The following SCUBE2 variants were observed in gnomAD, a reference collection of about 807,000 sequenced individuals.
SCUBE2 encodes signal peptide, CUB and EGF-like domain-containing protein 2.
Under a neutral mutation model 125.9 loss-of-function variants are expected in SCUBE2, and 114 were observed. The observed-to-expected ratio is 0.91, with a 90% confidence interval of 0.78 to 1.06. The LOEUF (loss-of-function observed/expected upper bound fraction) is 1.06. Among genes scored for constraint, SCUBE2 ranks in the 50% least tolerant of loss-of-function variants. SCUBE2 has a pLI of 0.00. For missense variants in SCUBE2, 1,255 were observed against 1,301.8 expected (o/e 0.96, Z 0.55); for synonymous variants, 459 against 492.9 (o/e 0.93, Z 0.91).
intron 16 of SCUBE2, among the ~76,000 whole-genome samples, chr11:9,044,035 AG>A (rs1431406019): frequency 6.6e-6 from 1 of 152,236 alleles, no homozygotes; most frequent in Non-Finnish European, 1.5e-5. Flanking sequence ...ATGTGTACAA[AG>A]AATGATATTC....
intron 10 of SCUBE2, among the ~76,000 whole-genome samples, chr11:9,055,583 A>G (rs1858998576): frequency 1.3e-5 from 2 of 152,196 alleles, no homozygotes; most frequent in Admixed American, 1.3e-4. Context: ...TCTCTGCTCC[A>G]TTTCACACTC....
chr11:9,081,529 T>A (rs967892361), intron 2 of SCUBE2, among the ~76,000 whole-genome samples: 2 of 152,144 alleles, frequency 1.3e-5, no homozygotes, highest in African/African-American at 4.8e-5. Flanking sequence ...AGGATTTCCT[T>A]TTTTAAGGCT....
intron 5 of SCUBE2, 30 bp from the exon 6 acceptor site, chr11:9,066,843 C>A: frequency 6.5e-7 from 1 of 1,546,822 alleles, no homozygotes; most frequent in Non-Finnish European, 8.9e-7. Context: ...ATACATAAAG[C>A]ACTGAGATTT....
At chr11:9,059,687 G>C (rs907261580) in intron 8 of SCUBE2, 4 of 457,550 alleles carry the variant, frequency 8.7e-6, no homozygotes. Context: ...ACAAACTCTG[G>C]GAAAGAATGA....
At chr11:9,042,905 A>G (rs962579802) in intron 16 of SCUBE2, among the ~76,000 whole-genome samples, 14 of 152,160 alleles carry the variant, frequency 9.2e-5, no homozygotes, top group Admixed American at 7.9e-4. Context: ...TGTTCTCAGT[A>G]TCTCATAGGC....
chr11:9,046,299 T>G (rs952905618), intron 16 of SCUBE2, among the ~76,000 whole-genome samples: 1 of 152,114 alleles, frequency 6.6e-6, no homozygotes, highest in African/African-American at 2.4e-5. Flanking sequence ...TGAGCCATCA[T>G]GCCTGGCCCC....
At chr11:9,023,757 C>T (rs1855499878) in intron 21 of SCUBE2, among the ~76,000 whole-genome samples, 1 of 152,118 alleles carries the variant, frequency 6.6e-6, no homozygotes, top group Non-Finnish European at 1.5e-5. Context: ...ATGGCCTCAT[C>T]TATAAAATCA....
rs1333311901 is a variant in SCUBE2, at chr11:9,021,179, C to G, written c.2953G>C (p.Ala985Pro). The G allele has an allele frequency of 6.3e-7, 1 of 1,577,286 alleles. No homozygotes were observed. Among genetic ancestry groups the G allele is most frequent in the Non-Finnish European group, 8.6e-7 (1 of 1,164,334 alleles). ...EILKDKKLIK[A>P]LFDVLAHPQN... ...GGATGGGCCAGGACATCAAACAGAG[C>G]CTTGATAAGTTTCTTATCCTAAAAA... is the stretch of plus-strand genomic sequence containing the variant. Residue 985 changes from alanine to proline, a missense_variant, in exon 23 of 23, where the codon GCT (alanine) becomes CCT (proline). This residue lies in a region of SCUBE2 where 515 missense variants were observed against 515.7 expected (regional missense o/e 1.00). Transcript: ENST00000649792.
intron 9 of SCUBE2, among the ~76,000 whole-genome samples, chr11:9,056,230 C>T (rs999784277): frequency 1.3e-5 from 2 of 152,176 alleles, no homozygotes; most frequent in Admixed American, 6.5e-5. Flanking sequence ...AGATAACATA[C>T]CTAAAAAGGG....
At chr11:9,071,638 G>A (rs1860809548) in intron 4 of SCUBE2, among the ~76,000 whole-genome samples, 1 of 152,172 alleles carries the variant, frequency 6.6e-6, no homozygotes, top group Admixed American at 6.5e-5. Context: ...AAACAGCTCA[G>A]AAACATTGGA....
At chr11:9,060,269 C>G (rs2135584000) in intron 8 of SCUBE2, 139 bp downstream of exon 8, 2 of 643,270 alleles carry the variant, frequency 3.1e-6, no homozygotes, top group East Asian at 5.2e-5. Flanking sequence ...GGGGAAAAAG[C>G]TCCCATTGAT....
rs892788065 is a variant in SCUBE2 at position 9,066,636 on chromosome 11, G to A, written c.760+61C>T. ...CATCTGTGCTAAACACCATTAAGGGGTAGGGGTAGGGACAGGCAGGCTGGT... is the reference window on the plus strand; with the variant it reads ...CATCTGTGCTAAACACCATTAAGGGATAGGGGTAGGGACAGGCAGGCTGGT... On this transcript the variant is annotated intron_variant, in intron 6 of 22. Transcript: ENST00000649792. The A allele has an allele frequency of 1.6e-5, 21 of 1,322,752 alleles. No individual in the cohort carries two copies. The South Asian group carries it at 2.1e-4, about 13-fold the overall frequency. The allele number at this position is 1,322,752 out of a possible 1,614,324, so 81.9% of individuals were successfully genotyped here. A position where few individuals can be genotyped will look rare whatever the true frequency, so the allele number is the denominator to read the frequency against.
chr11:9,072,599 A>T (rs990265993), intron 4 of SCUBE2, among the ~76,000 whole-genome samples: 2 of 152,186 alleles, frequency 1.3e-5, no homozygotes, highest in Admixed American at 6.5e-5. Context: ...AGGCTGTTCT[A>T]TTTGAAGAAT....
At chr11:9,050,447 T>C in intron 14 of SCUBE2, 159 bp downstream of exon 14, 5 of 631,196 alleles carry the variant, frequency 7.9e-6, no homozygotes, top group Non-Finnish European at 1.1e-5. Context: ...TTCTTCCTCT[T>C]GGGATGAGTC....
chr11:9,029,075 C>G (rs1465684178), intron 19 of SCUBE2, among the ~76,000 whole-genome samples: 1 of 152,180 alleles, frequency 6.6e-6, no homozygotes, highest in Non-Finnish European at 1.5e-5. Flanking sequence ...GGCCTCCTTG[C>G]TCCTCTGACT....
chr11:9,090,081 A>T (rs906605934), intron 1 of SCUBE2, among the ~76,000 whole-genome samples: 7 of 152,232 alleles, frequency 4.6e-5, no homozygotes, highest in African/African-American at 1.4e-4. Flanking sequence ...CACCTCCTCC[A>T]GGAAGCCTGC....
intron 13 of SCUBE2, 67 bp from the exon 14 acceptor site, chr11:9,050,777 G>T: frequency 1.6e-6 from 2 of 1,240,148 alleles, no homozygotes; most frequent in Non-Finnish European, 2.4e-6. Context: ...CAGATGGGAA[G>T]CAGCAAGCTG....
At chr11:9,087,850 AG>A (rs1189426284) in intron 2 of SCUBE2, among the ~76,000 whole-genome samples, 1 of 152,224 alleles carries the variant, frequency 6.6e-6, no homozygotes, top group Non-Finnish European at 1.5e-5. Context: ...AGGGAGGATC[AG>A]GTCATTGCTA....
chr11:9,044,252 ATTTG>A (rs560267831), intron 16 of SCUBE2, among the ~76,000 whole-genome samples: 199 of 152,218 alleles, frequency 1.3e-3, no homozygotes, highest in Non-Finnish European at 2.3e-3. Context: ...TTGTATTGAT[ATTTG>A]TTTTTTATTT....
Sources: allele counts gnomAD v4.1 joint callset (sites outside exome capture counted in the v4.1 genomes callset), GRCh38; gene constraint gnomAD v4.1.1; regional missense constraint gnomAD v4.1.1; transcripts MANE v1.5; gene names NCBI Gene and HGNC (gene_info 2026-07-23, HGNC 2026-07-21).